SCUBE3: variants seen among roughly 807,000 people sequenced by gnomAD.
SCUBE3 encodes the protein signal peptide, CUB and EGF-like domain-containing protein 3.
Under a neutral mutation model 116.8 loss-of-function variants are expected in SCUBE3, and 33 were observed. The observed-to-expected ratio is 0.28, with a 90% CI of 0.21 to 0.38. The LOEUF (loss-of-function observed/expected upper bound fraction) is 0.38. SCUBE3 is among the 10% of genes least tolerant of loss of function. The pLI, the probability that SCUBE3 is intolerant of heterozygous loss-of-function variation, is 1.00. For synonymous variants in SCUBE3, 418 were observed against 496.9 expected (o/e 0.84, Z 2.11); for missense variants, 1,007 against 1,324.8 (o/e 0.76, Z 3.72).
chr6:35,239,781 G>C lies in SCUBE3; in HGVS notation c.859G>C (p.Gly287Arg), dbSNP rs753713811. 6.2e-7 allele frequency: 1 copy of C among 1,612,036 alleles called. No individual in the cohort carries two copies. The highest frequency in any genetic ancestry group is 1.1e-5 in the South Asian group (1 of 90,636). The change falls in exon 8 of 22, where the codon GGC (glycine) becomes CGC (arginine). Residue 287 changes from glycine (G) to arginine (R), a missense_variant. Transcript: ENST00000274938. This position sits in a 1 kb window ranked among gnomAD's most constrained non-coding sequence, Gnocchi z 4.1. Reference protein sequence around the residue: ...DIDECRLNNGGCDHICRNTVG... With the variant: ...DIDECRLNNGRCDHICRNTVG... ...AGATGAGTGCCGCTTAAACAACGGG[G>C]GCTGTGACCATATTTGCCGCAACAC...
intron 1 of SCUBE3, chr6:35,221,148 G>C (rs9394282): frequency 0.89 from 135,364 of 152,238 alleles, 60,350 homozygotes; most frequent in East Asian, 0.99. Context: ...GAATGCCTGT[G>C]TCAGGTGCCC....
chr6:35,219,241 G>A lies in SCUBE3; in HGVS notation c.85+4738G>A, dbSNP rs80340363. Among the ~76,000 whole-genome samples, 98 of 152,300 alleles carry A rather than the reference G, an allele frequency of 6.4e-4. No homozygotes were observed. The highest frequency in any genetic ancestry group is 2.2e-3 in the African/African-American group (93 of 41,562). On this transcript the variant is annotated intron_variant, in intron 1 of 21. Coordinates refer to ENST00000274938, the MANE Select transcript of SCUBE3 (RefSeq NM_152753.4). The surrounding 1 kb of genome is among the most constrained non-coding windows in gnomAD (Gnocchi z 4.7). The stretch of plus-strand genomic sequence containing the variant: ...AACACATGTGTGTTTCTATATGTGT[G>A]TATCCAACAAAGTTGGGAAGTGGAG...
chr6:35,218,335 A>AGT (rs1783003205), intron 1 of SCUBE3, among the ~76,000 whole-genome samples: 1 of 152,126 alleles, frequency 6.6e-6, no homozygotes, highest in Admixed American at 6.5e-5. Flanking sequence ...TAGTTGGAGA[A>AGT]GTAAAGAAGT....
At position 35,242,329 on chromosome 6, in the gene SCUBE3, T is replaced by TG; in HGVS notation, c.1534+13dup. On this transcript the variant is annotated intron_variant, in intron 13 of 21. Transcript: ENST00000274938. ...CAGAATCACAGGGCCAGGTTTGGACTGGGGACCCCATTCCAGTTGGCTGTC... is the reference window on the plus strand; with the variant it reads ...CAGAATCACAGGGCCAGGTTTGGACTGGGGGACCCCATTCCAGTTGGCTGTC... 6.3e-7 allele frequency: 1 copy of TG among 1,583,726 alleles called. No homozygotes were observed. The highest frequency in any genetic ancestry group is 8.7e-7 in the Non-Finnish European group (1 of 1,152,470).
Position 35,214,521 on chromosome 6 carries a change from C to A in SCUBE3, c.85+18C>A. 2.1e-6 allele frequency: 3 copies of A among 1,448,780 alleles called. No homozygotes were observed. Among genetic ancestry groups the A allele is most frequent in the Non-Finnish European group, 2.7e-6 (3 of 1,095,752 alleles). The allele number at this position is 1,448,780 out of a possible 1,614,324, so 89.7% of individuals were successfully genotyped here. A position where few individuals can be genotyped will look rare whatever the true frequency, so the allele number is the denominator to read the frequency against. ...CGCGCAAGGTAAGGAAGGAGGGGCGCGCGGCCTGGGGGCTGTCCTGGCTGC... is the reference window on the plus strand; with the variant it reads ...CGCGCAAGGTAAGGAAGGAGGGGCGAGCGGCCTGGGGGCTGTCCTGGCTGC... On this transcript the variant is annotated intron_variant, in intron 1 of 21. Coordinates refer to ENST00000274938, the MANE Select transcript of SCUBE3 (RefSeq NM_152753.4). The surrounding 1 kb of genome is among the most constrained non-coding windows in gnomAD (Gnocchi z 6.3).
rs1783616072 is a variant in SCUBE3 at position 35,233,041 on chromosome 6, G to C, written c.595+66G>C. ...GGTGAAAACATAGAGGAAGGGTATA[G>C]GGCTTCAGGAGCAAGAGGACAGGGC... On this transcript the variant is annotated intron_variant, in intron 5 of 21. Transcript: ENST00000274938. This position sits in a 1 kb window ranked among gnomAD's most constrained non-coding sequence, Gnocchi z 5.7. 7 of 1,586,822 alleles carry C rather than the reference G, an allele frequency of 4.4e-6. No homozygotes were observed. Among genetic ancestry groups the C allele is most frequent in the Admixed American group, 1.7e-5 (1 of 59,628 alleles).
intron 13 of SCUBE3, 112 bp downstream of exon 13, chr6:35,242,432 G>C: frequency 3.1e-6 from 3 of 954,590 alleles, no homozygotes; most frequent in Non-Finnish European, 5.0e-6. Context: ...AGGCAGAGCA[G>C]AGGAAAAAGC....
rs549248214 is a variant in SCUBE3 at position 35,242,799 on chromosome 6, T to C, written c.1693+19T>C. ...ACCACAGGTGGGACTGGGGGCACTG[T>C]TGGGAAGAGGACTGGAAGGGGAGGG... On this transcript the variant is annotated intron_variant, in intron 14 of 21. Transcript: ENST00000274938. 1.9e-6 allele frequency: 3 copies of C among 1,610,088 alleles called. No homozygotes were observed. The highest frequency in any genetic ancestry group is 2.7e-5 in the African/African-American group (2 of 74,958).
chr6:35,249,020 C>A lies in SCUBE3; in HGVS notation c.*315C>A, dbSNP rs1784461022. The A allele has an allele frequency of 3.8e-6, 1 of 264,406 alleles. No homozygotes were observed. Among genetic ancestry groups the A allele is most frequent in the Non-Finnish European group, 7.2e-6 (1 of 139,468 alleles). 16.4% of individuals were successfully genotyped at this position (264,406 alleles called of 1,614,324 possible). A position where few individuals can be genotyped will look rare whatever the true frequency, so the allele number is the denominator to read the frequency against. ...ACTGCCCATTTTACCAGCTCACATTCCCGACCCCATCAGCTTGGAAGGGTG... is the reference window on the plus strand; with the variant it reads ...ACTGCCCATTTTACCAGCTCACATTACCGACCCCATCAGCTTGGAAGGGTG... On this transcript the variant is annotated 3_prime_UTR_variant, in exon 22 of 22. Coordinates refer to ENST00000274938, the MANE Select transcript of SCUBE3 (RefSeq NM_152753.4).
chr6:35,231,837 T>A lies in SCUBE3; in HGVS notation c.447T>A (p.His149Gln). ...REGFFLSDNQHTCIQRPEEGM... is the reference protein window; with the variant it reads ...REGFFLSDNQQTCIQRPEEGM... Reference sequence around the variant, plus strand: ...GCTTCTTCCTCAGCGACAACCAGCATACCTGTATCCAGCGGCCAGAAGGTC... The same window carrying A: ...GCTTCTTCCTCAGCGACAACCAGCAAACCTGTATCCAGCGGCCAGAAGGTC... The change falls in exon 4 of 22, where the codon CAT (histidine) becomes CAA (glutamine). Residue 149 changes from histidine (H) to glutamine (Q), a missense_variant. By Grantham distance (24) the His-to-Gln change is conservative (BLOSUM62 0). Around this residue, in one of 5 missense-constraint regions of SCUBE3, gnomAD observed 214 missense variants for 316.7 expected, o/e 0.68. Transcript: ENST00000274938. This position sits in a 1 kb window ranked among gnomAD's most constrained non-coding sequence, Gnocchi z 4.2. 1 of 1,612,750 alleles carries A rather than the reference T, an allele frequency of 6.2e-7. No individual in the cohort carries two copies. The highest frequency in any genetic ancestry group is 8.5e-7 in the Non-Finnish European group (1 of 1,179,008).
rs769281628 is a variant in SCUBE3, at chr6:35,241,863, C to T, written c.1370C>T (p.Ala457Val). ...CGTPSPRAAPARAGHNGNSTN... is the reference protein window; with the variant it reads ...CGTPSPRAAPVRAGHNGNSTN... ...ACCCCCAGCCCCAGGGCTGCTCCAG[C>T]CCGAGCTGGCCACAATGGGAACAGC... is the stretch of plus-strand genomic sequence containing the variant. The change falls in exon 12 of 22, where the codon GCC becomes GTC. Residue 457 changes from alanine to valine, a missense_variant. Ala to Val is a moderately conservative substitution (Grantham distance 64, BLOSUM62 0). Transcript: ENST00000274938. The surrounding 1 kb of genome is among the most constrained non-coding windows in gnomAD (Gnocchi z 4.1). The T allele has an allele frequency of 6.2e-7, 1 of 1,612,164 alleles. No individual in the cohort carries two copies. Among genetic ancestry groups the T allele is most frequent in the Admixed American group, 1.7e-5 (1 of 60,030 alleles).
chr6:35,219,636 G>A lies in SCUBE3; in HGVS notation c.85+5133G>A, dbSNP rs1483294380. Among the ~76,000 whole-genome samples the A allele has an allele frequency of 6.6e-6, 1 of 152,090 alleles. No individual in the cohort carries two copies. The highest frequency in any genetic ancestry group is 1.5e-5 in the Non-Finnish European group (1 of 68,024). On this transcript the variant is annotated intron_variant, in intron 1 of 21. Coordinates refer to ENST00000274938, the MANE Select transcript of SCUBE3 (RefSeq NM_152753.4). The surrounding 1 kb of genome is among the most constrained non-coding windows in gnomAD (Gnocchi z 4.7). Reference sequence around the variant, plus strand: ...GCTGCAGGGCTGGAGGGAAGATCCAGGATAAGGAAACACATCTAAGGAATC... The same window carrying A: ...GCTGCAGGGCTGGAGGGAAGATCCAAGATAAGGAAACACATCTAAGGAATC...
In SCUBE3 at chr6:35,241,918, C is replaced by G; in HGVS notation, c.1417+8C>G. 1 of 1,587,028 alleles carries G rather than the reference C, an allele frequency of 6.3e-7. No homozygotes were observed. The highest frequency in any genetic ancestry group is 8.6e-7 in the Non-Finnish European group (1 of 1,161,190). On this transcript the variant is annotated splice_region_variant and intron_variant, in intron 12 of 21. Transcript: ENST00000274938. This position sits in a 1 kb window ranked among gnomAD's most constrained non-coding sequence, Gnocchi z 4.1. ...ACTCCAACCACTGCCATGGTAAGCACCAGCCCAGAAGCCCTGTTCCCACCC... is the reference window on the plus strand; with the variant it reads ...ACTCCAACCACTGCCATGGTAAGCAGCAGCCCAGAAGCCCTGTTCCCACCC...
chr6:35,244,351 T>C lies in SCUBE3; in HGVS notation c.2239+221T>C, dbSNP rs960162495. ...AATAATTAACAGTCCCACTTACCCC[T>C]CCACTTTGGAGAACTGGTGGCATAT... On this transcript the variant is annotated intron_variant, in intron 17 of 21. Coordinates refer to ENST00000274938, the MANE Select transcript of SCUBE3 (RefSeq NM_152753.4). The surrounding 1 kb of genome is among the most constrained non-coding windows in gnomAD (Gnocchi z 4.3). Among the ~76,000 whole-genome samples the C allele has an allele frequency of 6.6e-6, 1 of 152,090 alleles. No homozygotes were observed. Among genetic ancestry groups the C allele is most frequent in the Non-Finnish European group, 1.5e-5 (1 of 68,016 alleles).
rs1784576619 is a variant in SCUBE3, at chr6:35,252,148, G to A, written c.*3443G>A. 1 of 152,198 alleles carries A rather than the reference G, an allele frequency of 6.6e-6. No individual in the cohort carries two copies. Among genetic ancestry groups the A allele is most frequent in the South Asian group, 2.1e-4 (1 of 4,822 alleles). The allele number at this position is 152,198 out of a possible 1,614,324, so 9.4% of individuals were successfully genotyped here. A position where few individuals can be genotyped will look rare whatever the true frequency, so the allele number is the denominator to read the frequency against. ...CATGGCAGTTCCTCTTTACTTCTCT[G>A]CCTCCCTCTTTCTATATTATCAGGC... On this transcript the variant is annotated 3_prime_UTR_variant, in exon 22 of 22. Transcript: ENST00000274938.
chr6:35,231,618 G>T lies in SCUBE3; in HGVS notation c.335-107G>T. On this transcript the variant is annotated intron_variant, in intron 3 of 21. Transcript: ENST00000274938. This position sits in a 1 kb window ranked among gnomAD's most constrained non-coding sequence, Gnocchi z 4.2. ...TGAGGACTTCCTGGCTTAAGGCTGGGCTTAGGGGGTAGTAGTTCTTAAGAC... is the reference window on the plus strand; with the variant it reads ...TGAGGACTTCCTGGCTTAAGGCTGGTCTTAGGGGGTAGTAGTTCTTAAGAC... 1.0e-6 allele frequency: 1 copy of T among 966,466 alleles called. No individual in the cohort carries two copies. The highest frequency in any genetic ancestry group is 2.4e-5 in the South Asian group (1 of 41,434). 59.9% of individuals were successfully genotyped at this position (966,466 alleles called of 1,614,324 possible). A position where few individuals can be genotyped will look rare whatever the true frequency, so the allele number is the denominator to read the frequency against.
Position 35,243,345 on chromosome 6 carries a change from C to T in SCUBE3, c.1909+109C>T. On this transcript the variant is annotated intron_variant, in intron 15 of 21. Transcript: ENST00000274938. This position sits in a 1 kb window ranked among gnomAD's most constrained non-coding sequence, Gnocchi z 6.6. ...TGCATTTCTCAAATTATGAGGCAGC[C>T]AGGATGCTCCTGCCCGCTGTCCTCC... The T allele has an allele frequency of 1.0e-6, 1 of 1,000,008 alleles. No individual in the cohort carries two copies. The highest frequency in any genetic ancestry group is 1.5e-6 in the Non-Finnish European group (1 of 665,570). 61.9% of individuals were successfully genotyped at this position (1,000,008 alleles called of 1,614,324 possible).
Position 35,251,843 on chromosome 6 carries a change from C to G in SCUBE3, c.*3138C>G, listed in dbSNP as rs1784566862. The G allele has an allele frequency of 6.6e-6, 1 of 152,248 alleles. No individual in the cohort carries two copies. The highest frequency in any genetic ancestry group is 6.5e-5 in the Admixed American group (1 of 15,280). 9.4% of individuals were successfully genotyped at this position (152,248 alleles called of 1,614,324 possible). A position where few individuals can be genotyped will look rare whatever the true frequency, so the allele number is the denominator to read the frequency against. ...CCTGGGACATCAAACTAGGGGTTAA[C>G]TGGATTGAATGAGGAGTCAACGCTC... is the stretch of plus-strand genomic sequence containing the variant. On this transcript the variant is annotated 3_prime_UTR_variant, in exon 22 of 22. Transcript: ENST00000274938.
rs66748362 is a variant in SCUBE3 at position 35,251,150 on chromosome 6, C to CTTTTTT, written c.*2461_*2466dup. The stretch of plus-strand genomic sequence containing the variant: ...CTAGGATAACTTTCTTTCTTTCTTT[C>CTTTTTT]TTTTTTTTTTTTTTTTTTTTTGAGA... On this transcript the variant is annotated 3_prime_UTR_variant, in exon 22 of 22. Transcript: ENST00000274938. 12 of 84,400 alleles carry CTTTTTT rather than the reference C, an allele frequency of 1.4e-4. No homozygotes were observed. Among genetic ancestry groups the CTTTTTT allele is most frequent in the African/African-American group, 2.0e-4 (5 of 24,616 alleles). The allele number at this position is 84,400 out of a possible 1,614,324, so 5.2% of individuals were successfully genotyped here.
Sources: gnomAD v4.1 joint callset for allele counts (sites outside exome capture counted in the v4.1 genomes callset) on GRCh38, gnomAD v4.1.1 for gene constraint, gnomAD v4.1.1 regional missense constraint, Gnocchi (gnomAD v3.1) non-coding constraint, MANE v1.5 for transcripts, NCBI Gene and HGNC (gene_info 2026-07-23, HGNC 2026-07-21) for gene names.